Variants in SULF1 observed in about 807,000 individuals in gnomAD.
SULF1 encodes sulfatase 1, also known as extracellular sulfatase Sulf-1.
Under a neutral mutation model 110.5 loss-of-function variants are expected in SULF1, and 46 were observed. The ratio of observed to expected loss-of-function variants is 0.42; its 90% CI spans 0.33 to 0.53. The LOEUF (loss-of-function observed/expected upper bound fraction) is 0.53, where lower values mean the gene tolerates loss of function less well. Among genes scored for constraint, SULF1 ranks in the 20% least tolerant of loss-of-function variants. The pLI, the probability that SULF1 is intolerant of heterozygous loss-of-function variation, is 0.12. For missense variants in SULF1, 941 were observed against 1,094.2 expected (o/e 0.86, Z 1.98); for synonymous variants, 371 against 387.1 (o/e 0.96, Z 0.49).
In SULF1 at chr8:69,501,244, G is replaced by A. The variant is rs141698763; in HGVS notation, c.-228-630G>A. 2.9e-3 allele frequency among the ~76,000 whole-genome samples: 441 copies of A among 152,140 alleles called. 2 individuals are homozygous for A. The highest frequency in any genetic ancestry group is 0.01 in the African/African-American group (424 of 41,498). On this transcript the variant is annotated intron_variant, in intron 2 of 22. Transcript: ENST00000402687. ...TATTATGTTCTCTTTTATATCATATGCACATTTACATACAGTATGTATATG... is the reference window on the plus strand; with the variant it reads ...TATTATGTTCTCTTTTATATCATATACACATTTACATACAGTATGTATATG...
At chr8:69,533,447 C>T (rs967172697) in intron 3 of SULF1, among the ~76,000 whole-genome samples, 3 of 152,110 alleles carry the variant, frequency 2.0e-5, no homozygotes, top group Non-Finnish European at 2.9e-5. Context: ...TGTTCCCCTT[C>T]CTGTGTCCAC....
At chr8:69,657,364 T>C (rs78199991) in intron 22 of SULF1, among the ~76,000 whole-genome samples, 499 of 152,308 alleles carry the variant, frequency 3.3e-3, no homozygotes, top group African/African-American at 0.012. Context: ...AAGCAATGCC[T>C]CCCAGACTGC....
upstream of SULF1, among the ~76,000 whole-genome samples, chr8:69,487,995 T>C (rs760008378): frequency 1.4e-4 from 21 of 152,196 alleles, no homozygotes; most frequent in Non-Finnish European, 1.6e-4. Context: ...TAGATCGTTG[T>C]TCAAGAATGA....
rs1237649283 is a variant in SULF1, at chr8:69,592,947, C to T, written c.734+3806C>T. 4 of 987,278 alleles carry T rather than the reference C, an allele frequency of 4.1e-6. No homozygotes were observed. In the African/African-American group the frequency reaches 5.2e-5, roughly 13 times the overall value. 61.2% of individuals were successfully genotyped at this position (987,278 alleles called of 1,614,324 possible). ...CAGACAGGGTAAGGACCAATCTGGA[C>T]TGTGTTATCTTTTCCAGGTGCAAGT... is the stretch of plus-strand genomic sequence containing the variant. On this transcript the variant is annotated intron_variant, in intron 8 of 22. Coordinates refer to ENST00000402687, the MANE Select transcript of SULF1 (RefSeq NM_001128205.2).
intron 13 of SULF1, among the ~76,000 whole-genome samples, chr8:69,619,582 G>T (rs1396633982): frequency 1.3e-5 from 2 of 152,218 alleles, no homozygotes; most frequent in African/African-American, 4.8e-5. Context: ...ATGTTAGAAG[G>T]CTCAGTCTAG....
intron 5 of SULF1, among the ~76,000 whole-genome samples, chr8:69,564,768 T>A (rs967900164): frequency 7.2e-5 from 11 of 152,246 alleles, no homozygotes; most frequent in Admixed American, 7.2e-4. Flanking sequence ...ATCACCTGAC[T>A]GGGTTTCTTA....
chr8:69,492,596 C>T (rs1045016612), upstream of SULF1, among the ~76,000 whole-genome samples: 8 of 152,192 alleles, frequency 5.3e-5, no homozygotes, highest in African/African-American at 1.9e-4. Context: ...AGCCCCTGCC[C>T]GCCGCCGTCC....
At chr8:69,558,059 G>C (rs186275041) in intron 3 of SULF1, among the ~76,000 whole-genome samples, 48 of 152,312 alleles carry the variant, frequency 3.2e-4, no homozygotes, top group Middle Eastern at 6.8e-3. Context: ...GTTGTTAAAA[G>C]AAGAAATTAG....
chr8:69,579,337 T>A (rs1805886939), intron 6 of SULF1, among the ~76,000 whole-genome samples: 1 of 151,898 alleles, frequency 6.6e-6, no homozygotes, highest in Admixed American at 6.6e-5. Flanking sequence ...GCGTATCACC[T>A]GAGGTCAGGA....
intron 3 of SULF1, among the ~76,000 whole-genome samples, chr8:69,560,838 G>T (rs748299121): frequency 6.6e-6 from 1 of 152,194 alleles, no homozygotes; most frequent in Non-Finnish European, 1.5e-5. Context: ...TTCTAGAGTG[G>T]CATGTTTTGT....
chr8:69,484,279 C>G (rs1809612987), intron 1 of SULF1, among the ~76,000 whole-genome samples: 1 of 152,150 alleles, frequency 6.6e-6, no homozygotes, highest in Non-Finnish European at 1.5e-5. Context: ...ATAGACCCTC[C>G]TTCTTATTTG....
In SULF1 at chr8:69,576,330, T is replaced by C. The variant is rs1652315668; in HGVS notation, c.412+121T>C. ...TACCTAAAAAAGGATCAAGTGTTTT[T>C]AAACTGCTTGACATCTACCCCAGGG... On this transcript the variant is annotated intron_variant, in intron 6 of 22. Coordinates refer to ENST00000402687, the MANE Select transcript of SULF1 (RefSeq NM_001128205.2). 14 of 1,198,888 alleles carry C rather than the reference T, an allele frequency of 1.2e-5. 1 individual carries two copies. In the South Asian group the frequency reaches 2.1e-4, roughly 18 times the overall value. 74.3% of individuals were successfully genotyped at this position (1,198,888 alleles called of 1,614,324 possible).
chr8:69,572,430 T>G (rs193291694), intron 5 of SULF1, among the ~76,000 whole-genome samples: 2 of 152,336 alleles, frequency 1.3e-5, no homozygotes, highest in East Asian at 3.9e-4. Flanking sequence ...TAATTGCTCA[T>G]GTGAAGCACT....
At chr8:69,627,428 A>C (rs1039945005) in intron 16 of SULF1, 122 bp downstream of exon 16, 2 of 666,820 alleles carry the variant, frequency 3.0e-6, no homozygotes, top group Non-Finnish European at 5.1e-6. Context: ...AAAAAATACA[A>C]AAAAAAAAAG....
intron 19 of SULF1, among the ~76,000 whole-genome samples, chr8:69,637,368 A>G (rs553396987): frequency 2.6e-5 from 4 of 152,188 alleles, no homozygotes; most frequent in Admixed American, 6.5e-5. Context: ...TCCTGGGCCA[A>G]ATGCTTTGTT....
chr8:69,516,502 T>G (rs1283835216), intron 3 of SULF1, among the ~76,000 whole-genome samples: 14 of 152,128 alleles, frequency 9.2e-5, no homozygotes, highest in Admixed American at 2.6e-4. Flanking sequence ...ACATTCAGGA[T>G]CACAATTCAA....
chr8:69,494,140 G>A (rs1810153698), intron 1 of SULF1, among the ~76,000 whole-genome samples: 1 of 152,130 alleles, frequency 6.6e-6, no homozygotes, highest in Admixed American at 6.5e-5. Context: ...TGGTAATAAT[G>A]TAGAAAAGCA....
In SULF1 at chr8:69,486,953, T is replaced by C. The variant is rs77382777; in HGVS notation, c.-390-8812T>C. On this transcript the variant is annotated intron_variant, in intron 1 of 22. Coordinates refer to the SULF1 transcript ENST00000260128. The stretch of plus-strand genomic sequence containing the variant: ...TCTTTGTTGATTTACACGTCCTTGA[T>C]TTTTAAATCACTTCCAGAAATTCCT... 1.6e-3 allele frequency among the ~76,000 whole-genome samples: 251 copies of C among 152,370 alleles called. 8 individuals carry two copies. The East Asian group carries it at 0.046, about 28-fold the overall frequency.
chr8:69,570,872 G>A (rs1030939032), intron 5 of SULF1, among the ~76,000 whole-genome samples: 1 of 152,280 alleles, frequency 6.6e-6, no homozygotes, highest in Non-Finnish European at 1.5e-5. Context: ...TGGGGCACTG[G>A]GACAGTGTGT....
Sources: allele counts gnomAD v4.1 joint callset (sites outside exome capture counted in the v4.1 genomes callset), GRCh38; gene constraint gnomAD v4.1.1; transcripts MANE v1.5; gene names NCBI Gene and HGNC (gene_info 2026-07-23, HGNC 2026-07-21).